The following CSMD2 variants were observed in gnomAD, a reference collection of about 807,000 sequenced individuals.
CSMD2 encodes the protein CUB and sushi domain-containing protein 2.
CSMD2 carries 130 observed loss-of-function variants against 398.5 expected under a neutral mutation model. That is an observed-to-expected ratio of 0.33 (90% CI 0.28 to 0.38). The LOEUF (loss-of-function observed/expected upper bound fraction) is 0.38. CSMD2 is among the 10% of genes least tolerant of loss of function. The probability of loss-of-function intolerance (pLI) is 1.00; values close to 1 mark genes in which losing one functional copy is unlikely to be tolerated. For missense variants in CSMD2, 3,829 were observed against 4,764.9 expected, an observed-to-expected ratio of 0.80 and a Z score of 5.78; for synonymous variants, 1,828 against 1,908.5, an observed-to-expected ratio of 0.96 and a Z score of 1.10.
chr1:33,724,128 C>G, intron 19 of CSMD2, 69 bp downstream of exon 19: 1 of 1,103,160 alleles, frequency 9.1e-7, no homozygotes, highest in Admixed American at 1.7e-5. Context: ...TTGAGGTCAA[C>G]TTGACCTGAG....
intron 25 of CSMD2, among the ~76,000 whole-genome samples, chr1:33,682,744 T>C (rs1453961437): frequency 6.6e-6 from 1 of 152,228 alleles, no homozygotes; most frequent in East Asian, 1.9e-4. Context: ...CTTGGTCTGC[T>C]CTAGAGGTTG....
intron 10 of CSMD2, among the ~76,000 whole-genome samples, chr1:33,802,382 T>C (rs971840219): frequency 6.6e-6 from 1 of 152,224 alleles, no homozygotes; most frequent in Non-Finnish European, 1.5e-5. Context: ...GTTCTTCCTG[T>C]TCCCACAGTG....
At chr1:33,934,833 GAAAAAAAAA>G (rs10552121) in intron 4 of CSMD2, among the ~76,000 whole-genome samples, 1 of 109,646 alleles carries the variant, frequency 9.1e-6, no homozygotes, top group South Asian at 3.2e-4. Context: ...CTGTCTCCAT[GAAAAAAAAA>G]AAAAAAAAAA....
At chr1:34,036,798 A>C (rs1651184074) in intron 2 of CSMD2, among the ~76,000 whole-genome samples, 1 of 152,232 alleles carries the variant, frequency 6.6e-6, no homozygotes, top group Admixed American at 6.5e-5. Context: ...TCATGAATAC[A>C]AATCTACCAT....
At chr1:33,802,549 C>T (rs1189581138) in intron 10 of CSMD2, among the ~76,000 whole-genome samples, 1 of 152,160 alleles carries the variant, frequency 6.6e-6, no homozygotes, top group Non-Finnish European at 1.5e-5. Flanking sequence ...CCTTGCCAAG[C>T]CCAGGTAGCA....
At chr1:33,952,554 C>T (rs969445928) in intron 3 of CSMD2, among the ~76,000 whole-genome samples, 1 of 152,144 alleles carries the variant, frequency 6.6e-6, no homozygotes, top group Non-Finnish European at 1.5e-5. Flanking sequence ...ATTATACCTT[C>T]AGACATTTAA....
rs79938797 is a variant in CSMD2, at chr1:33,624,811, T to C, written c.5501-168A>G. On this transcript the variant is annotated intron_variant, in intron 34 of 70. Coordinates refer to ENST00000373381, the MANE Select transcript of CSMD2 (RefSeq NM_001281956.2). The surrounding 1 kb of genome is among the most constrained non-coding windows in gnomAD (Gnocchi z 4.7). ...TCCACGGCCTCTCCCCATGCAACTC[T>C]GTTCGGGGCCCTGGGCCCAGCTCCT... 0.013 allele frequency among the ~76,000 whole-genome samples: 1,959 copies of C among 152,214 alleles called. 42 individuals carry two copies. Among genetic ancestry groups the C allele is most frequent in the African/African-American group, 0.045 (1,862 of 41,520 alleles).
In CSMD2 at chr1:34,014,194, T is replaced by A. The variant is rs541317984; in HGVS notation, c.517+18400A>T. ...AGCGCCCCCTGGCTTCTCACCTGCA[T>A]TGCTGCATTAGACTCCGGGCCAGTC... On this transcript the variant is annotated intron_variant, in intron 3 of 70. Transcript: ENST00000373381. Among the ~76,000 whole-genome samples the A allele has an allele frequency of 1.6e-4, 25 of 152,304 alleles. No individual in the cohort carries two copies. The East Asian group carries it at 4.4e-3, about 27-fold the overall frequency.
chr1:33,869,272 A>G (rs1159932099), intron 5 of CSMD2: 1 of 152,254 alleles, frequency 6.6e-6, no homozygotes, highest in African/African-American at 2.4e-5. Flanking sequence ...TGCAAGAAAG[A>G]AGACACCAAA....
chr1:33,652,652 G>C (rs909465011), intron 27 of CSMD2, among the ~76,000 whole-genome samples, 191 bp from the exon 28 acceptor site: 50 of 152,292 alleles, frequency 3.3e-4, no homozygotes, highest in African/African-American at 1.2e-3. Flanking sequence ...CAGAGATAGT[G>C]GTGGTGGTTG....
chr1:33,613,711 G>A (rs1217606437), intron 40 of CSMD2, among the ~76,000 whole-genome samples: 1 of 152,146 alleles, frequency 6.6e-6, no homozygotes, highest in Non-Finnish European at 1.5e-5. Context: ...AATCCCCTTG[G>A]GACATTTCAT....
At chr1:33,941,715 T>C (rs1644680261) in intron 3 of CSMD2, among the ~76,000 whole-genome samples, 1 of 152,216 alleles carries the variant, frequency 6.6e-6, no homozygotes, top group African/African-American at 2.4e-5. Flanking sequence ...ATTCATAGCA[T>C]ACTTACTCTG....
At chr1:33,876,313 A>C (rs1640836138) in intron 5 of CSMD2, among the ~76,000 whole-genome samples, 1 of 152,248 alleles carries the variant, frequency 6.6e-6, no homozygotes, top group Non-Finnish European at 1.5e-5. Flanking sequence ...TTGTAGTCAG[A>C]GATCTCTACC....
chr1:33,778,347 C>T (rs1013703147), intron 12 of CSMD2, among the ~76,000 whole-genome samples: 2 of 152,004 alleles, frequency 1.3e-5, no homozygotes, highest in African/African-American at 4.8e-5. Flanking sequence ...GCAATGATGC[C>T]CCTTGTAACT....
At chr1:33,569,950 G>A (rs1437076954) in intron 51 of CSMD2, among the ~76,000 whole-genome samples, 1 of 152,192 alleles carries the variant, frequency 6.6e-6, no homozygotes, top group Non-Finnish European at 1.5e-5. Flanking sequence ...GAGCCCAGCA[G>A]CCTCACACTC....
chr1:33,754,617 T>C (rs1476170120), intron 13 of CSMD2, among the ~76,000 whole-genome samples: 2 of 152,262 alleles, frequency 1.3e-5, no homozygotes, highest in East Asian at 1.9e-4. Flanking sequence ...TAAGTACTGC[T>C]TGTGAAATGT....
intron 53 of CSMD2, among the ~76,000 whole-genome samples, chr1:33,562,193 T>C (rs1472357696): frequency 6.8e-6 from 1 of 146,258 alleles, no homozygotes; most frequent in African/African-American, 2.5e-5. Context: ...GGACCACTGG[T>C]GACTTGCAAG....
rs78335962 is a variant in CSMD2, at chr1:33,606,831, A to G, written c.6344-1361T>C. ...ATCTAGGCTCTTCAAAAAGACAGAA[A>G]CTTCAGTGAGAGTACCTCAACACTG... On this transcript the variant is annotated intron_variant, in intron 41 of 70. Coordinates refer to ENST00000373381, the MANE Select transcript of CSMD2 (RefSeq NM_001281956.2). Among the ~76,000 whole-genome samples, 498 of 152,236 alleles carry G rather than the reference A, an allele frequency of 3.3e-3. 6 individuals are homozygous for G. Among genetic ancestry groups the G allele is most frequent in the African/African-American group, 0.011 (477 of 41,522 alleles).
chr1:33,695,411 C>T (rs888338250), intron 24 of CSMD2, among the ~76,000 whole-genome samples: 2 of 152,114 alleles, frequency 1.3e-5, no homozygotes, highest in East Asian at 3.9e-4. Flanking sequence ...TGATGGGGTA[C>T]AGCAGGGGTG....
Sources: allele counts gnomAD v4.1 joint callset (sites outside exome capture counted in the v4.1 genomes callset), GRCh38; gene constraint gnomAD v4.1.1; non-coding constraint Gnocchi (gnomAD v3.1); transcripts MANE v1.5; gene names NCBI Gene and HGNC (gene_info 2026-07-23, HGNC 2026-07-21).